Variants in TXLNB observed in about 807,000 individuals in gnomAD.
TXLNB encodes taxilin beta.
In TXLNB, 37 loss-of-function variants were observed where a neutral mutation model predicts 57.4. That is an observed-to-expected ratio of 0.64 (90% confidence interval 0.50 to 0.85). TXLNB has a LOEUF of 0.85. Among genes scored for constraint, TXLNB ranks in the 40% least tolerant of loss-of-function variants. The probability of loss-of-function intolerance (pLI) is 0.00; values close to 1 mark genes in which losing one functional copy is unlikely to be tolerated. For missense variants in TXLNB, 848 were observed against 825.6 expected (o/e 1.03, Z -0.33); for synonymous variants, 302 against 309.6 (o/e 0.98, Z 0.26).
chr6:139,299,897 A>G, the TXLNB span, among the ~76,000 whole-genome samples: 1 of 152,198 alleles, frequency 6.6e-6, no homozygotes, highest in Non-Finnish European at 1.5e-5. Flanking sequence ...TGATAGATCC[A>G]TGATGTTTTA....
chr6:139,258,749 C>T (rs79394423), intron 6 of TXLNB, among the ~76,000 whole-genome samples: 2,757 of 152,270 alleles, frequency 0.018, 47 homozygotes, highest in Middle Eastern at 0.054. Flanking sequence ...CAGATACATG[C>T]GTCAACTCAT....
chr6:139,236,748 G>T (rs762628999), downstream of TXLNB, among the ~76,000 whole-genome samples: 18 of 152,116 alleles, frequency 1.2e-4, no homozygotes, highest in Non-Finnish European at 2.4e-4. Flanking sequence ...GGGACCACAG[G>T]TGCCTGCCAC....
rs561013254 is a variant in TXLNB at position 139,272,662 on chromosome 6, C to T, written c.517-2036G>A. ...GTATAGATGTGAGCCTTTAATTTTG[C>T]ACCATAGTTATTAGATAGGCGTGAA... On this transcript the variant is annotated intron_variant, in intron 3 of 9. Coordinates refer to ENST00000358430, the MANE Select transcript of TXLNB (RefSeq NM_153235.4). 4.9e-4 allele frequency among the ~76,000 whole-genome samples: 74 copies of T among 152,318 alleles called. 2 individuals are homozygous for T. The South Asian group carries it at 0.014, about 30-fold the overall frequency.
At chr6:139,193,840 A>ATATAT in the TXLNB span, among the ~76,000 whole-genome samples, 40 of 85,232 alleles carry the variant, frequency 4.7e-4, no homozygotes, top group East Asian at 0.012. Flanking sequence ...ATATATATAT[A>ATATAT]TTTTTTTTTT....
chr6:139,169,951 C>T, the TXLNB span: 1 of 152,194 alleles, frequency 6.6e-6, no homozygotes, highest in Non-Finnish European at 1.5e-5. Context: ...CTGCGAGCTC[C>T]CTACAAACTC....
At chr6:139,322,505 A>G in the TXLNB span, among the ~76,000 whole-genome samples, 1 of 152,142 alleles carries the variant, frequency 6.6e-6, no homozygotes, top group African/African-American at 2.4e-5. Context: ...CCTCCCTTCT[A>G]AAGAAATTCC....
chr6:139,238,495 G>A (rs1775861592), downstream of TXLNB, among the ~76,000 whole-genome samples: 1 of 152,188 alleles, frequency 6.6e-6, no homozygotes, highest in South Asian at 2.1e-4. Context: ...ATATGTATGT[G>A]TGTGTGCATT....
the TXLNB span, chr6:139,178,682 C>T: frequency 2.0e-5 from 3 of 152,082 alleles, no homozygotes; most frequent in Admixed American, 2.0e-4. Flanking sequence ...TCAAGCGATT[C>T]TCCTGTCCCA....
At chr6:139,303,772 T>G in the TXLNB span, among the ~76,000 whole-genome samples, 16,835 of 151,214 alleles carry the variant, frequency 0.11, 1,958 homozygotes, top group East Asian at 0.29. Flanking sequence ...ATATAAAATT[T>G]AAAAGAAAAT....
At chr6:139,268,606 T>C (rs1248561286) in intron 4 of TXLNB, among the ~76,000 whole-genome samples, 2 of 152,232 alleles carry the variant, frequency 1.3e-5, no homozygotes, top group African/African-American at 4.8e-5. Context: ...CATTTAAATA[T>C]GCTTGATCTT....
At chr6:139,238,474 C>T (rs1029516185), downstream of TXLNB, among the ~76,000 whole-genome samples, 7 of 152,090 alleles carry the variant, frequency 4.6e-5, no homozygotes, top group South Asian at 6.2e-4. Flanking sequence ...TTTATACCTC[C>T]GTATTTATGT....
chr6:139,271,657 A>C (rs977181321), intron 3 of TXLNB: 4 of 152,188 alleles, frequency 2.6e-5, no homozygotes, highest in Non-Finnish European at 5.9e-5. Flanking sequence ...TACATCTGGC[A>C]GCATTATTAT....
chr6:139,316,677 C>G, the TXLNB span, among the ~76,000 whole-genome samples: 4 of 152,150 alleles, frequency 2.6e-5, no homozygotes, highest in East Asian at 3.9e-4. Context: ...AACAAAAAAG[C>G]CTGTAAAAAG....
At chr6:139,302,484 C>T in the TXLNB span, among the ~76,000 whole-genome samples, 1 of 151,658 alleles carries the variant, frequency 6.6e-6, no homozygotes, top group East Asian at 1.9e-4. Flanking sequence ...GTTAAGTTAG[C>T]TGGGTGCGGT....
intron 9 of TXLNB, among the ~76,000 whole-genome samples, chr6:139,243,979 C>T (rs1308899996): frequency 6.6e-6 from 1 of 150,898 alleles, no homozygotes; most frequent in Non-Finnish European, 1.5e-5. Flanking sequence ...TACTCTGTCC[C>T]TTTGAGACCT....
chr6:139,254,580 T>A (rs1776288014), intron 7 of TXLNB, among the ~76,000 whole-genome samples: 1 of 152,062 alleles, frequency 6.6e-6, no homozygotes, highest in African/African-American at 2.4e-5. Context: ...CAGGTAGGGG[T>A]AAGATGGGTA....
chr6:139,213,518 G>A, the TXLNB span, among the ~76,000 whole-genome samples: 3 of 152,224 alleles, frequency 2.0e-5, no homozygotes, highest in Non-Finnish European at 4.4e-5. Flanking sequence ...GCCCACAAGA[G>A]AAAGCAGGAA....
At chr6:139,244,816 A>G (rs1370121579) in intron 8 of TXLNB, 126 bp from the exon 9 acceptor site, 2 of 658,076 alleles carry the variant, frequency 3.0e-6, no homozygotes, top group Non-Finnish European at 5.4e-6. Flanking sequence ...CAAATGTTCA[A>G]TGTCAAGAAT....
At chr6:139,160,210 A>G in the TXLNB span, among the ~76,000 whole-genome samples, 1 of 152,220 alleles carries the variant, frequency 6.6e-6, no homozygotes, top group African/African-American at 2.4e-5. Context: ...TGACTACTTG[A>G]TGATGAACCT....
Sources: gnomAD v4.1 joint callset for allele counts (sites outside exome capture counted in the v4.1 genomes callset) on GRCh38, gnomAD v4.1.1 for gene constraint, MANE v1.5 for transcripts, NCBI Gene and HGNC (gene_info 2026-07-23, HGNC 2026-07-21) for gene names.